Variants in TUT4 observed in about 807,000 individuals in gnomAD.
TUT4 encodes the protein terminal uridylyltransferase 4.
In TUT4, 36 loss-of-function variants were observed where a neutral mutation model predicts 192.2. That is an observed-to-expected ratio of 0.19 (90% CI 0.14 to 0.25). TUT4 has a LOEUF of 0.25. TUT4 is among the 10% of genes least tolerant of loss of function. The pLI is 1.00. For synonymous variants in TUT4, 618 were observed against 666.0 expected, an observed-to-expected ratio of 0.93 and a Z score of 1.11; for missense variants, 1,493 against 1,957.2, an observed-to-expected ratio of 0.76 and a Z score of 4.47.
chr1:52,525,584 C>A lies in TUT4; in HGVS notation c.697G>T (p.Glu233Ter), dbSNP rs1430798746. ...TTACTTAAATCGTCCGATACGTCTT[C>A]AATTCCTGAAGCACTATCATCAGAA... ...GDSDDSASGI[E>*]DVSDDLSKMK... The change falls in exon 2 of 30, where the codon GAA becomes TAA. Residue 233 changes from glutamate to a stop codon, truncating the protein, a stop_gained. Coordinates refer to ENST00000257177, the MANE Select transcript of TUT4 (RefSeq NM_001009881.3). LOFTEE classifies it high-confidence loss of function. 6.2e-7 allele frequency: 1 copy of A among 1,609,472 alleles called. No homozygotes were observed. Among genetic ancestry groups the A allele is most frequent in the Non-Finnish European group, 8.5e-7 (1 of 1,177,526 alleles).
chr1:52,494,949 C>G (rs747496220), intron 6 of TUT4, among the ~76,000 whole-genome samples: 1 of 151,916 alleles, frequency 6.6e-6, no homozygotes, highest in Non-Finnish European at 1.5e-5. Flanking sequence ...CTAGGTACTA[C>G]TTATTAAAAG....
chr1:52,537,188 A>T (rs181824844), intron 1 of TUT4, among the ~76,000 whole-genome samples: 31 of 152,094 alleles, frequency 2.0e-4, no homozygotes, highest in African/African-American at 5.5e-4. Context: ...AATAAAAATT[A>T]AAAAAAAGAG....
intron 24 of TUT4, among the ~76,000 whole-genome samples, chr1:52,444,891 ATG>A (rs1327127005): frequency 1.4e-5 from 2 of 146,386 alleles, no homozygotes; most frequent in Admixed American, 6.8e-5. Flanking sequence ...AAACTCATAT[ATG>A]TGTGTATATA....
chr1:52,484,526 C>T (rs1235351372), intron 9 of TUT4, among the ~76,000 whole-genome samples: 1 of 152,146 alleles, frequency 6.6e-6, no homozygotes, highest in African/African-American at 2.4e-5. Context: ...AAGATCTCCC[C>T]ATCCCATTAT....
chr1:52,471,164 C>T (rs890353322), intron 14 of TUT4, among the ~76,000 whole-genome samples: 1 of 151,894 alleles, frequency 6.6e-6, no homozygotes, highest in African/African-American at 2.4e-5. Context: ...CTACAGGCAC[C>T]GGCCACCATG....
At chr1:52,446,238 C>T (rs763102378) in intron 22 of TUT4, 27 bp downstream of exon 22, 1 of 1,585,492 alleles carries the variant, frequency 6.3e-7, no homozygotes, top group Admixed American at 1.9e-5. Context: ...TTGGTTGCTC[C>T]TGAATTAATA....
In TUT4 at chr1:52,431,477, AAT is replaced by A. The variant is rs869142318; in HGVS notation, c.4264-19_4264-18del. On this transcript the variant is annotated intron_variant, in intron 27 of 29. Coordinates refer to ENST00000257177, the MANE Select transcript of TUT4 (RefSeq NM_001009881.3). ...TGATTCAGACTGCAGACAAAAAAAA[AAT>A]TTTTTTTAATTAATTTATAAACATC... The A allele has an allele frequency of 2.1e-6, 3 of 1,457,352 alleles. No individual in the cohort carries two copies. Among genetic ancestry groups the A allele is most frequent in the Non-Finnish European group, 2.7e-6 (3 of 1,101,314 alleles). The allele number at this position is 1,457,352 out of a possible 1,614,324, so 90.3% of individuals were successfully genotyped here.
chr1:52,548,684 TAA>T (rs376685920), intron 1 of TUT4, among the ~76,000 whole-genome samples: 1,879 of 152,350 alleles, frequency 0.012, 34 homozygotes, highest in African/African-American at 0.043. Context: ...AACTATGCAA[TAA>T]GTTATCTATT....
chr1:52,507,194 T>C (rs940855296), intron 4 of TUT4, among the ~76,000 whole-genome samples: 1 of 152,356 alleles, frequency 6.6e-6, no homozygotes. Flanking sequence ...CATGCACCAA[T>C]CAGCATTGTG....
At chr1:52,442,936 T>A (rs1656115796) in intron 24 of TUT4, among the ~76,000 whole-genome samples, 1 of 152,210 alleles carries the variant, frequency 6.6e-6, no homozygotes, top group African/African-American at 2.4e-5. Flanking sequence ...TTTGCATGCA[T>A]AAACTAAAAT....
intron 24 of TUT4, 38 bp from the exon 25 acceptor site, chr1:52,438,373 A>G: frequency 2.0e-6 from 3 of 1,471,422 alleles, no homozygotes; most frequent in East Asian, 2.3e-5. Flanking sequence ...AGGAATCACT[A>G]TAAAACTTTT....
chr1:52,434,549 G>A (rs984856907), intron 27 of TUT4: 2 of 152,174 alleles, frequency 1.3e-5, no homozygotes, highest in African/African-American at 2.4e-5. Flanking sequence ...TTAAACTTAT[G>A]AGTCTGGGCT....
chr1:52,499,959 C>CAT (rs1233047211), intron 4 of TUT4, among the ~76,000 whole-genome samples: 22 of 150,796 alleles, frequency 1.5e-4, no homozygotes, highest in Admixed American at 4.0e-4. Context: ...CACACACACA[C>CAT]ATATATATAT....
chr1:52,480,299 AAAGTC>A (rs1375692150), intron 11 of TUT4, among the ~76,000 whole-genome samples: 8 of 152,326 alleles, frequency 5.3e-5, no homozygotes, highest in African/African-American at 1.9e-4. Context: ...TGGTGTCCTG[AAAGTC>A]AAGTGAATAA....
intron 1 of TUT4, among the ~76,000 whole-genome samples, chr1:52,540,657 C>CT (rs1686360985): frequency 2.0e-5 from 3 of 152,110 alleles, no homozygotes; most frequent in Admixed American, 2.0e-4. Flanking sequence ...ATGAGGCACC[C>CT]TGTTTATGAC....
At chr1:52,442,477 G>T (rs1655951714) in intron 24 of TUT4, among the ~76,000 whole-genome samples, 1 of 152,146 alleles carries the variant, frequency 6.6e-6, no homozygotes, top group Non-Finnish European at 1.5e-5. Flanking sequence ...GGACATTTTT[G>T]ACCATACAGG....
chr1:52,536,904 G>T (rs149682176), intron 1 of TUT4, among the ~76,000 whole-genome samples: 2 of 152,002 alleles, frequency 1.3e-5, no homozygotes, highest in Admixed American at 1.3e-4. Flanking sequence ...GGTGGCTCAC[G>T]CCTGTAATCC....
intron 2 of TUT4, among the ~76,000 whole-genome samples, chr1:52,523,526 G>A (rs1325726337): frequency 2.0e-5 from 3 of 151,882 alleles, no homozygotes. Context: ...GTGGGAGGCA[G>A]AAGTTGCAGT....
At chr1:52,532,440 C>T (rs969543200) in intron 1 of TUT4, among the ~76,000 whole-genome samples, 1 of 151,872 alleles carries the variant, frequency 6.6e-6, no homozygotes, top group South Asian at 2.1e-4. Flanking sequence ...GAGCCTCCCA[C>T]CTCAGCCTCA....
Sources: gnomAD v4.1 joint callset for allele counts (sites outside exome capture counted in the v4.1 genomes callset) on GRCh38, gnomAD v4.1.1 for gene constraint, MANE v1.5 for transcripts, NCBI Gene and HGNC (gene_info 2026-07-23, HGNC 2026-07-21) for gene names.